Variants in ULK4 observed in about 807,000 individuals in gnomAD.
ULK4 encodes unc-51 like kinase 4, also known as inactive serine/threonine-protein kinase ULK4.
In ULK4, 133 loss-of-function variants were observed where a neutral mutation model predicts 160.6. The observed-to-expected ratio is 0.83, with a 90% CI of 0.72 to 0.96. ULK4 has a LOEUF of 0.96. Among genes scored for constraint, ULK4 ranks in the 40% least tolerant of loss-of-function variants. The probability of loss-of-function intolerance (pLI) is 0.00; values close to 1 mark genes in which losing one functional copy is unlikely to be tolerated. For missense variants in ULK4, 1,580 were observed against 1,499.5 expected (o/e 1.05, Z -0.89); for synonymous variants, 534 against 539.8 (o/e 0.99, Z 0.15).
chr3:41,375,565 C>G (rs2081470932), intron 35 of ULK4, among the ~76,000 whole-genome samples: 1 of 150,194 alleles, frequency 6.7e-6, no homozygotes, highest in Non-Finnish European at 1.5e-5. Flanking sequence ...GCTGGGAAAC[C>G]TGGCTAGCCA....
rs193269131 is a variant in ULK4, at chr3:41,620,865, C to G, written c.3072-5148G>C. 1.1e-3 allele frequency among the ~76,000 whole-genome samples: 173 copies of G among 152,190 alleles called. 7 individuals are homozygous for G. The highest frequency in any genetic ancestry group is 0.011 in the Admixed American group (168 of 15,288). ...ATGACATTTTTATATATTTAGAAAA[C>G]CCCATCATCTCAGCCCAAAAGTTCC... On this transcript the variant is annotated intron_variant, in intron 30 of 36. Transcript: ENST00000301831.
At chr3:41,475,851 C>T (rs2084125458) in intron 32 of ULK4, among the ~76,000 whole-genome samples, 1 of 151,250 alleles carries the variant, frequency 6.6e-6, no homozygotes, top group Non-Finnish European at 1.5e-5. Flanking sequence ...AGAATTTGCC[C>T]AAAGAAGAAG....
intron 32 of ULK4, among the ~76,000 whole-genome samples, chr3:41,480,485 TCTCCTCTTCCCTGTC>T (rs746253511): frequency 7.2e-5 from 11 of 152,040 alleles, no homozygotes; most frequent in Non-Finnish European, 1.5e-4. Flanking sequence ...AAAACCAACC[TCTCCTCTTCCCTGTC>T]CTCCTCAGTC....
intron 17 of ULK4, 78 bp downstream of exon 17, chr3:41,883,796 A>C: frequency 8.0e-7 from 1 of 1,244,840 alleles, no homozygotes; most frequent in Non-Finnish European, 1.2e-6. Context: ...AGGTCGGTGA[A>C]AGCTGCAGGT....
chr3:41,797,302 C>T (rs995001176), intron 20 of ULK4, among the ~76,000 whole-genome samples: 2 of 152,068 alleles, frequency 1.3e-5, no homozygotes, highest in Non-Finnish European at 2.9e-5. Flanking sequence ...ATTATCTGAT[C>T]CTTTATAGAA....
At chr3:41,765,599 A>C (rs2125912536) in intron 21 of ULK4, among the ~76,000 whole-genome samples, 1 of 152,318 alleles carries the variant, frequency 6.6e-6, no homozygotes, top group South Asian at 2.1e-4. Context: ...GACAACACAA[A>C]GAGGAAAACA....
rs555538790 is a variant in ULK4 at position 41,734,426 on chromosome 3, T to C, written c.2322-16565A>G. ...GAAAGCATATTTGATTTGTATACGTTAAATTTAAAACTCCTCTTGTGTATG... is the reference window on the plus strand; with the variant it reads ...GAAAGCATATTTGATTTGTATACGTCAAATTTAAAACTCCTCTTGTGTATG... On this transcript the variant is annotated intron_variant, in intron 22 of 36. Coordinates refer to ENST00000301831, the MANE Select transcript of ULK4 (RefSeq NM_017886.4). Among the ~76,000 whole-genome samples, 5 of 152,260 alleles carry C rather than the reference T, an allele frequency of 3.3e-5. No homozygotes were observed. In the South Asian group the frequency reaches 1.0e-3, roughly 32 times the overall value.
chr3:41,717,908 G>C, intron 22 of ULK4, 47 bp from the exon 23 acceptor site: 2 of 1,574,624 alleles, frequency 1.3e-6, no homozygotes, highest in Non-Finnish European at 1.7e-6. Context: ...TAAAACACTT[G>C]ATAGCATCTA....
At chr3:41,834,248 G>A (rs1032142302) in intron 18 of ULK4, among the ~76,000 whole-genome samples, 2 of 151,776 alleles carry the variant, frequency 1.3e-5, no homozygotes, top group Non-Finnish European at 2.9e-5. Context: ...AAGGCATTCT[G>A]TATAGAATAA....
chr3:41,743,577 TTTC>T (rs1482626724), intron 22 of ULK4, among the ~76,000 whole-genome samples: 1 of 151,956 alleles, frequency 6.6e-6, no homozygotes, highest in African/African-American at 2.4e-5. Flanking sequence ...TTCTAATAAA[TTTC>T]TTAAATCATA....
At chr3:41,875,559 G>A (rs975589956) in intron 17 of ULK4, among the ~76,000 whole-genome samples, 6 of 152,168 alleles carry the variant, frequency 3.9e-5, no homozygotes, top group Non-Finnish European at 7.3e-5. Context: ...TTAAGCCCAA[G>A]GTAGTGAGCT....
chr3:41,310,076 G>A (rs899887941), intron 35 of ULK4, among the ~76,000 whole-genome samples: 2 of 152,322 alleles, frequency 1.3e-5, no homozygotes, highest in East Asian at 3.9e-4. Context: ...ACCATCTGTT[G>A]TGAAGGCTCC....
chr3:41,911,452 C>T, intron 10 of ULK4, 66 bp from the exon 11 acceptor site: 2 of 1,591,622 alleles, frequency 1.3e-6, no homozygotes, highest in East Asian at 2.2e-5. Context: ...GCATAACGTA[C>T]ACAAAGATTT....
At chr3:41,313,432 T>C (rs1056155362) in intron 35 of ULK4, among the ~76,000 whole-genome samples, 1 of 152,258 alleles carries the variant, frequency 6.6e-6, no homozygotes, top group Non-Finnish European at 1.5e-5. Flanking sequence ...CTTCTGTTTT[T>C]TCTTAGATAG....
intron 32 of ULK4, among the ~76,000 whole-genome samples, chr3:41,514,491 A>C (rs1340468904): frequency 1.3e-5 from 2 of 152,220 alleles, no homozygotes; most frequent in African/African-American, 2.4e-5. Flanking sequence ...CACTTCATTA[A>C]CAAATCAAAG....
chr3:41,925,946 C>A (rs917412313), intron 5 of ULK4, among the ~76,000 whole-genome samples: 2 of 152,186 alleles, frequency 1.3e-5, no homozygotes, highest in African/African-American at 4.8e-5. Flanking sequence ...AACGTCCCTG[C>A]CTGATGGCTC....
At chr3:41,438,663 CA>C (rs201985554) in intron 34 of ULK4, among the ~76,000 whole-genome samples, 20 of 148,460 alleles carry the variant, frequency 1.3e-4, no homozygotes, top group Non-Finnish European at 2.4e-4. Flanking sequence ...AAAACAAGGA[CA>C]AAAAAAAACA....
intron 18 of ULK4, among the ~76,000 whole-genome samples, chr3:41,820,918 T>G (rs920210493): frequency 6.6e-6 from 1 of 152,222 alleles, no homozygotes; most frequent in East Asian, 1.9e-4. Context: ...CTGGACATTA[T>G]GATCAGGAGC....
intron 5 of ULK4, chr3:41,931,643 G>A (rs1376336321): frequency 3.6e-6 from 2 of 554,106 alleles, no homozygotes; most frequent in Non-Finnish European, 6.1e-6. Flanking sequence ...AGGTTCCCCA[G>A]GCCTTACAGA....
Sources: gnomAD v4.1 joint callset for allele counts (sites outside exome capture counted in the v4.1 genomes callset) on GRCh38, gnomAD v4.1.1 for gene constraint, MANE v1.5 for transcripts, NCBI Gene and HGNC (gene_info 2026-07-23, HGNC 2026-07-21) for gene names.